Variants in PCBD2 observed in about 807,000 individuals in gnomAD.
PCBD2 encodes the protein pterin-4-alpha-carbinolamine dehydratase 2.
A neutral mutation model predicts 16.4 loss-of-function variants in PCBD2; 12 were observed. The ratio of observed to expected loss-of-function variants is 0.73; its 90% CI spans 0.47 to 1.19. PCBD2 has a LOEUF of 1.19. Ranked by LOEUF, PCBD2 falls within the 50% of genes most tolerant of loss-of-function variation. PCBD2 has a pLI of 0.00. For synonymous variants in PCBD2, 58 were observed against 61.8 expected (o/e 0.94, Z 0.29); for missense variants, 138 against 156.8 (o/e 0.88, Z 0.64).
chr5:134,926,048 A>T (rs1750989792), intron 2 of PCBD2: 2 of 369,400 alleles, frequency 5.4e-6, no homozygotes, highest in African/African-American at 4.2e-5. Context: ...AATAGCTGGA[A>T]TAGGTTGTTA....
At chr5:134,908,047 G>A (rs1263022086) in intron 1 of PCBD2, among the ~76,000 whole-genome samples, 2 of 150,614 alleles carry the variant, frequency 1.3e-5, no homozygotes, top group Non-Finnish European at 1.5e-5. Context: ...AGCCTCCCAA[G>A]TAGCTGAGAC....
At chr5:134,929,746 C>T (rs577294323) in intron 2 of PCBD2, among the ~76,000 whole-genome samples, 2 of 152,250 alleles carry the variant, frequency 1.3e-5, no homozygotes, top group South Asian at 4.1e-4. Flanking sequence ...GCCTTGAGTA[C>T]AGTGGTGTGA....
At chr5:134,912,957 G>A (rs1255579402) in intron 2 of PCBD2, among the ~76,000 whole-genome samples, 12 of 152,196 alleles carry the variant, frequency 7.9e-5, no homozygotes, top group African/African-American at 2.9e-4. Flanking sequence ...CATTAAAATA[G>A]GATGGTGTAA....
chr5:134,926,486 T>G (rs963300067), intron 2 of PCBD2: 1 of 394,544 alleles, frequency 2.5e-6, no homozygotes, highest in African/African-American at 2.1e-5. Context: ...TGCACCAAAA[T>G]TTTTGGGGCC....
intron 2 of PCBD2, chr5:134,924,895 A>T (rs1252397159): frequency 1.5e-5 from 6 of 390,356 alleles, no homozygotes; most frequent in Non-Finnish European, 2.3e-5. Flanking sequence ...TATATTAGAG[A>T]AGTAAAATGT....
chr5:134,931,555 A>G (rs932993421), intron 2 of PCBD2, among the ~76,000 whole-genome samples: 12 of 152,240 alleles, frequency 7.9e-5, no homozygotes, highest in African/African-American at 2.4e-4. Flanking sequence ...CCATTTTGCT[A>G]ATGGTGGAAA....
At chr5:134,906,101 T>G (rs986667703) in intron 1 of PCBD2, among the ~76,000 whole-genome samples, 2 of 151,856 alleles carry the variant, frequency 1.3e-5, no homozygotes, top group Non-Finnish European at 2.9e-5. Context: ...CTCGAACTCC[T>G]GACCTCAGGT....
In PCBD2 at chr5:134,962,072, T is replaced by TTG. The variant is rs58911694; in HGVS notation, c.*1425_*1426dup. ...CATTGCCCCCAGCCAGTATAACAGT[T>TTG]TGTGTGTGTGTGTGTGTGTGTGTGT... is the stretch of plus-strand genomic sequence containing the variant. On this transcript the variant is annotated 3_prime_UTR_variant, in exon 4 of 4. Transcript: ENST00000254908. Among the ~76,000 whole-genome samples, 29,112 of 140,400 alleles carry TTG rather than the reference T, an allele frequency of 0.21. 2,865 individuals are homozygous for TTG. The highest frequency in any genetic ancestry group is 0.25 in the Middle Eastern group (68 of 270). 92.1% of individuals were successfully genotyped at this position (140,400 alleles called of 152,430 possible). A position where few individuals can be genotyped will look rare whatever the true frequency, so the allele number is the denominator to read the frequency against.
chr5:134,911,780 A>G (rs1054344456), intron 2 of PCBD2, among the ~76,000 whole-genome samples: 1 of 152,172 alleles, frequency 6.6e-6, no homozygotes, highest in Non-Finnish European at 1.5e-5. Context: ...TCCAACTCCT[A>G]AGGAAACCTG....
At chr5:134,935,613 T>A (rs1268949835) in intron 2 of PCBD2, among the ~76,000 whole-genome samples, 1 of 152,264 alleles carries the variant, frequency 6.6e-6, no homozygotes, top group African/African-American at 2.4e-5. Context: ...TCCTCTCATT[T>A]GACAAAGAAA....
chr5:134,962,108 T>C lies in PCBD2; in HGVS notation c.*1427T>C, dbSNP rs1422073875. 8.0e-6 allele frequency among the ~76,000 whole-genome samples: 1 copy of C among 125,322 alleles called. No homozygotes were observed. Among genetic ancestry groups the C allele is most frequent in the Non-Finnish European group, 1.7e-5 (1 of 57,912 alleles). The allele number at this position is 125,322 out of a possible 152,430, so 82.2% of individuals were successfully genotyped here. A position where few individuals can be genotyped will look rare whatever the true frequency, so the allele number is the denominator to read the frequency against. ...TGTGTGTGTGTGTGTGTGTGTGTGT[T>C]TGACACGGGGTCTCATTCTGTTGCC... On this transcript the variant is annotated 3_prime_UTR_variant, in exon 4 of 4. Coordinates refer to ENST00000254908, the MANE Select transcript of PCBD2 (RefSeq NM_032151.5).
rs1268808551 is a variant in PCBD2 at position 134,962,165 on chromosome 5, C to T, written c.*1484C>T. Among the ~76,000 whole-genome samples the T allele has an allele frequency of 2.0e-5, 3 of 151,902 alleles. No individual in the cohort carries two copies. Among genetic ancestry groups the T allele is most frequent in the Admixed American group, 1.3e-4 (2 of 15,240 alleles). On this transcript the variant is annotated 3_prime_UTR_variant, in exon 4 of 4. Transcript: ENST00000254908. Reference sequence around the variant, plus strand: ...GTAGTGTAGTGGTGCGACCATGGCTCACTGTAGTCTTGACTTCTCAGGCTC... The same window carrying T: ...GTAGTGTAGTGGTGCGACCATGGCTTACTGTAGTCTTGACTTCTCAGGCTC...
At chr5:134,916,062 G>A (rs987652159) in intron 2 of PCBD2, among the ~76,000 whole-genome samples, 6 of 152,238 alleles carry the variant, frequency 3.9e-5, no homozygotes, top group African/African-American at 1.4e-4. Context: ...GCCGAGTTGA[G>A]TGGGTTGCTT....
At chr5:134,938,357 G>A (rs1048006193) in intron 2 of PCBD2, among the ~76,000 whole-genome samples, 10 of 152,172 alleles carry the variant, frequency 6.6e-5, no homozygotes, top group African/African-American at 2.4e-4. Flanking sequence ...TTCTCACTAA[G>A]GAACAGCAGC....
intron 1 of PCBD2, 46 bp from the exon 2 acceptor site, chr5:134,910,289 G>C: frequency 1.3e-6 from 2 of 1,592,182 alleles, no homozygotes; most frequent in Non-Finnish European, 1.7e-6. Context: ...GTTTGAGTTT[G>C]AGTAAACTTG....
chr5:134,914,728 A>G (rs987037399), intron 2 of PCBD2, among the ~76,000 whole-genome samples: 4 of 151,890 alleles, frequency 2.6e-5, no homozygotes, highest in East Asian at 1.9e-4. Context: ...CTGGAGTACA[A>G]TGGTGCGATC....
intron 2 of PCBD2, among the ~76,000 whole-genome samples, chr5:134,920,550 A>G (rs899511209): frequency 1.3e-5 from 2 of 152,256 alleles, no homozygotes; most frequent in African/African-American, 4.8e-5. Context: ...ACTGTTGAGC[A>G]ATCAAAGGTC....
chr5:134,927,846 G>C (rs1171345220), intron 2 of PCBD2: 1 of 326,734 alleles, frequency 3.1e-6, no homozygotes, highest in African/African-American at 2.2e-5. Flanking sequence ...TATTAGGAGG[G>C]GGGTCGTTAG....
chr5:134,933,517 T>C (rs2149535899), intron 2 of PCBD2, among the ~76,000 whole-genome samples: 1 of 152,330 alleles, frequency 6.6e-6, no homozygotes, highest in Admixed American at 6.5e-5. Context: ...ACTGTAGGCA[T>C]GAGCCACTGC....
Sources: gnomAD v4.1 joint callset for allele counts (sites outside exome capture counted in the v4.1 genomes callset) on GRCh38, gnomAD v4.1.1 for gene constraint, MANE v1.5 for transcripts, NCBI Gene and HGNC (gene_info 2026-07-23, HGNC 2026-07-21) for gene names.